SMARCC2: variants seen among roughly 807,000 people sequenced by gnomAD.
The protein encoded by SMARCC2 is SWI/SNF complex subunit SMARCC2.
A neutral mutation model predicts 151.3 loss-of-function variants in SMARCC2; 15 were observed. The ratio of observed to expected loss-of-function variants is 0.10; its 90% confidence interval spans 0.07 to 0.15. The LOEUF (loss-of-function observed/expected upper bound fraction) is 0.15. Ranked by LOEUF, SMARCC2 falls within the 10% of genes least tolerant of loss-of-function variation. The pLI is 1.00. For synonymous variants in SMARCC2, 590 were observed against 609.5 expected (o/e 0.97, Z 0.47); for missense variants, 1,031 against 1,599.7 (o/e 0.64, Z 6.06).
Position 56,163,684 on chromosome 12 carries a change from G to A in SMARCC2, c.*5C>T. On this transcript the variant is annotated 3_prime_UTR_variant, in exon 29 of 29. Transcript: ENST00000550164. ...GGTGAGGGGGAGAGATGTCTGGCTG[G>A]CTCCTCACTGTGGAGGTGGCACAGG... 6.7e-7 allele frequency: 1 copy of A among 1,487,694 alleles called. No individual in the cohort carries two copies. The allele number at this position is 1,487,694 out of a possible 1,614,324, so 92.2% of individuals were successfully genotyped here. A position where few individuals can be genotyped will look rare whatever the true frequency, so the allele number is the denominator to read the frequency against.
In SMARCC2 at chr12:56,169,533, G is replaced by C; in HGVS notation, c.2711C>G (p.Ala904Gly). 1 of 1,614,098 alleles carries C rather than the reference G, an allele frequency of 6.2e-7. No homozygotes were observed. Among genetic ancestry groups the C allele is most frequent in the Admixed American group, 1.7e-5 (1 of 60,018 alleles). ...GTCTTCAAGGTCTGGCCTCACCTTA[G>C]CTTTCACTGCGGCGGCGGCCAGGGC... ...AAALAAAAVK[A>G]KHLAAVEERK... The change falls in exon 25 of 29, where the codon GCT becomes GGT. Residue 904 changes from alanine (A) to glycine (G), a missense_variant. By Grantham distance (60) the Ala-to-Gly change is moderately conservative. Transcript: ENST00000550164.
At chr12:56,187,030 C>CTAGG in intron 2 of SMARCC2, 157 bp downstream of exon 2, 1 of 656,268 alleles carries the variant, frequency 1.5e-6, no homozygotes, top group South Asian at 2.1e-5. Flanking sequence ...GGAGACTAGG[C>CTAGG]CAAGCCAATA....
intron 27 of SMARCC2, 44 bp downstream of exon 27, chr12:56,165,274 C>A (rs372492887): frequency 3.4e-5 from 50 of 1,454,902 alleles, no homozygotes; most frequent in Non-Finnish European, 2.4e-5. Context: ...GGACATTCAC[C>A]TGGATTCCTC....
At chr12:56,165,810 T>G (rs916804307) in intron 26 of SMARCC2, 111 bp from the exon 27 acceptor site, 2 of 1,102,392 alleles carry the variant, frequency 1.8e-6, no homozygotes, top group Admixed American at 3.9e-5. Flanking sequence ...AATCAGAAGG[T>G]TCCCAAAATC....
chr12:56,171,136 G>C lies in SMARCC2; in HGVS notation c.2347+135C>G, dbSNP rs1429216979. 1.2e-6 allele frequency: 1 copy of C among 813,310 alleles called. No individual in the cohort carries two copies. The allele number at this position is 813,310 out of a possible 1,614,324, so 50.4% of individuals were successfully genotyped here. A position where few individuals can be genotyped will look rare whatever the true frequency, so the allele number is the denominator to read the frequency against. ...CCAGAGCCCCTGAGGTAAACTCATG[G>C]GGAAAATAAAAACCCTACCAATGTT... On this transcript the variant is annotated intron_variant, in intron 22 of 28. Transcript: ENST00000550164. This position sits in a 1 kb window ranked among gnomAD's most constrained non-coding sequence, Gnocchi z 4.2.
In SMARCC2 at chr12:56,187,100, T is replaced by C. The variant is rs547029335; in HGVS notation, c.231+87A>G. ...ACCCAAATTTCAAAAATTACAAAAT[T>C]CACAAATCTTTTTTTAAAATACAAC... On this transcript the variant is annotated intron_variant, in intron 2 of 28. Transcript: ENST00000550164. The C allele has an allele frequency of 2.3e-5, 32 of 1,408,146 alleles. No homozygotes were observed. In the African/African-American group the frequency reaches 3.9e-4, roughly 17 times the overall value. The allele number at this position is 1,408,146 out of a possible 1,614,324, so 87.2% of individuals were successfully genotyped here. A position where few individuals can be genotyped will look rare whatever the true frequency, so the allele number is the denominator to read the frequency against.
chr12:56,189,457 GC>G lies in SMARCC2; in HGVS notation c.4del (p.Ala2ArgfsTer11). On this transcript the variant is annotated frameshift_variant, in exon 1 of 29. Transcript: ENST00000550164. LOFTEE classifies it high-confidence loss of function. Reference sequence around the variant, plus strand: ...GGGGCCGCCGTCCTTCTTCCGCACCGCCATCTTCTCCGGCTCGGGCCCCGCC... The same window carrying G: ...GGGGCCGCCGTCCTTCTTCCGCACCGCATCTTCTCCGGCTCGGGCCCCGCC... M[A>X]VRKKDGGPNV... 1 of 1,486,432 alleles carries G rather than the reference GC, an allele frequency of 6.7e-7. No individual in the cohort carries two copies. The allele number at this position is 1,486,432 out of a possible 1,614,324, so 92.1% of individuals were successfully genotyped here.
At chr12:56,178,259 G>C in intron 14 of SMARCC2, 145 bp downstream of exon 14, 1 of 991,962 alleles carries the variant, frequency 1.0e-6, no homozygotes, top group Admixed American at 2.1e-5. Context: ...AAGGACACAA[G>C]GAGCTCCCCT....
chr12:56,170,309 G>A (rs1472477565), intron 22 of SMARCC2, 101 bp from the exon 23 acceptor site: 1 of 1,069,542 alleles, frequency 9.3e-7, no homozygotes, highest in Non-Finnish European at 1.4e-6. Flanking sequence ...TTGCTGTGTT[G>A]CCCAGGTTGG....
At chr12:56,172,798 C>T in intron 18 of SMARCC2, 94 bp from the exon 19 acceptor site, 2 of 1,589,736 alleles carry the variant, frequency 1.3e-6, no homozygotes, top group Non-Finnish European at 1.7e-6. Context: ...AGCTTCTTTC[C>T]CAAAGCCAGG....
At chr12:56,172,777 C>A in intron 18 of SMARCC2, 73 bp from the exon 19 acceptor site, 1 of 1,602,788 alleles carries the variant, frequency 6.2e-7, no homozygotes, top group East Asian at 2.2e-5. Flanking sequence ...AGAGAAAAAA[C>A]AGACAGAAGG....
rs769994480 is a variant in SMARCC2, at chr12:56,178,892, G to T, written c.1142-45C>A. On this transcript the variant is annotated intron_variant, in intron 12 of 28. Transcript: ENST00000550164. ...ATGTAAGGCTGGAGCCTCCTGAGGG[G>T]CAAGAAAGCCCTACCAAAAGCCCAT... The T allele has an allele frequency of 1.9e-6, 3 of 1,607,498 alleles. No individual in the cohort carries two copies. In the African/African-American group the frequency reaches 4.0e-5, roughly 21 times the overall value.
chr12:56,178,899 A>G, intron 12 of SMARCC2, 52 bp from the exon 13 acceptor site: 1 of 1,605,914 alleles, frequency 6.2e-7, no homozygotes, highest in Non-Finnish European at 8.5e-7. Flanking sequence ...GGGGCAAGAA[A>G]GCCCTACCAA....
chr12:56,174,185 C>T (rs1326126336), intron 16 of SMARCC2, among the ~76,000 whole-genome samples: 3 of 152,210 alleles, frequency 2.0e-5, no homozygotes, highest in African/African-American at 7.2e-5. Context: ...TCACCGCTCA[C>T]TGCAGCCTCC....
chr12:56,169,895 C>T lies in SMARCC2; in HGVS notation c.2429G>A (p.Gly810Glu), dbSNP rs767475668. The change falls in exon 24 of 29, where the codon GGG becomes GAG. Residue 810 changes from glycine to glutamate, a missense_variant. Gly to Glu is a moderately conservative substitution (Grantham distance 98). Coordinates refer to ENST00000550164, the MANE Select transcript of SMARCC2 (RefSeq NM_001330288.2). ...TTTTGCTTCCTCCTCTATAGCACCC[C>T]CTCCTTCTCGGGGTTCCTGAAATTC... is the stretch of plus-strand genomic sequence containing the variant. Reference protein sequence around the residue: ...KKEPKEPREGGGAIEEEAKEK... With the variant: ...KKEPKEPREGEGAIEEEAKEK... The T allele has an allele frequency of 5.6e-6, 9 of 1,613,936 alleles. No individual in the cohort carries two copies. In the South Asian group the frequency reaches 9.9e-5, roughly 18 times the overall value.
At chr12:56,177,912 C>T (rs1768427168) in intron 15 of SMARCC2, 110 bp downstream of exon 15, 3 of 772,668 alleles carry the variant, frequency 3.9e-6, no homozygotes, top group Non-Finnish European at 6.5e-6. Flanking sequence ...TAGTGCCTGG[C>T]TCATGGAAGA....
At chr12:56,181,388 G>T in intron 10 of SMARCC2, 94 bp downstream of exon 10, 1 of 800,864 alleles carries the variant, frequency 1.2e-6, no homozygotes, top group Non-Finnish European at 2.0e-6. Context: ...CCCAGGTCAG[G>T]GCCAGGTGGT....
At chr12:56,178,874 G>A (rs758890250) in intron 12 of SMARCC2, 27 bp from the exon 13 acceptor site, 1 of 1,613,414 alleles carries the variant, frequency 6.2e-7, no homozygotes, top group Admixed American at 1.7e-5. Flanking sequence ...AAGATGTAAG[G>A]CTGGAGCCTC....
chr12:56,163,401 G>T lies in SMARCC2; in HGVS notation c.*288C>A. The stretch of plus-strand genomic sequence containing the variant: ...GGTGTACCCTTAGAAGTGGTTAATA[G>T]AACCTTGTATAAACACCTTTCACCA... On this transcript the variant is annotated 3_prime_UTR_variant, in exon 29 of 29. Transcript: ENST00000550164. The T allele has an allele frequency of 9.1e-6, 2 of 219,328 alleles. No homozygotes were observed. The highest frequency in any genetic ancestry group is 8.7e-5 in the East Asian group (1 of 11,528). The allele number at this position is 219,328 out of a possible 1,614,324, so 13.6% of individuals were successfully genotyped here.
Sources: gnomAD v4.1 joint callset for allele counts (sites outside exome capture counted in the v4.1 genomes callset) on GRCh38, gnomAD v4.1.1 for gene constraint, Gnocchi (gnomAD v3.1) non-coding constraint, MANE v1.5 for transcripts, NCBI Gene and HGNC (gene_info 2026-07-23, HGNC 2026-07-21) for gene names.